FER1L6: variants seen among roughly 807,000 people sequenced by gnomAD.
FER1L6 encodes fer-1-like protein 6.
Under a neutral mutation model 219.2 loss-of-function variants are expected in FER1L6, and 177 were observed. The ratio of observed to expected loss-of-function variants is 0.81; its 90% CI spans 0.71 to 0.91. The LOEUF (loss-of-function observed/expected upper bound fraction) is 0.91, where lower values mean the gene tolerates loss of function less well. Among genes scored for constraint, FER1L6 ranks in the 40% least tolerant of loss-of-function variants. The pLI is 0.00. For synonymous variants in FER1L6, 768 were observed against 824.3 expected (o/e 0.93, Z 1.17); for missense variants, 2,153 against 2,259.9 (o/e 0.95, Z 0.96).
At position 123,973,450 on chromosome 8, in the gene FER1L6, T is replaced by G; in HGVS notation, c.464T>G (p.Leu155Arg). ...IIKISVFHHKLIGSVLIGSFK... is the reference protein window; with the variant it reads ...IIKISVFHHKRIGSVLIGSFK... ...TCTCCTCAGGTCTTTCACCACAAGC[T>G]GATAGGAAGTGTACTGATTGGCTCT... Residue 155 changes from leucine (L) to arginine (R), a missense_variant, in exon 7 of 41, where the codon CTG becomes CGG. Transcript: ENST00000522917. 1.2e-6 allele frequency: 2 copies of G among 1,614,018 alleles called. No homozygotes were observed. Among genetic ancestry groups the G allele is most frequent in the Non-Finnish European group, 1.7e-6 (2 of 1,179,890 alleles).
chr8:124,116,360 T>C (rs1047291651), intron 39 of FER1L6, among the ~76,000 whole-genome samples: 1 of 149,144 alleles, frequency 6.7e-6, no homozygotes, highest in Non-Finnish European at 1.5e-5. Context: ...AGGGTATGCA[T>C]GAAACACCAT....
rs1277508950 is a variant in FER1L6, at chr8:123,852,811, T to C, written c.-8+626T>C. Reference sequence around the variant, plus strand: ...TTACTATTAACTAAGCTCCACGCTTTATTTGGATTTCACAAGTTTTTCCAC... The same window carrying C: ...TTACTATTAACTAAGCTCCACGCTTCATTTGGATTTCACAAGTTTTTCCAC... On this transcript the variant is annotated intron_variant, in intron 1 of 40. Transcript: ENST00000522917. This position sits in a 1 kb window ranked among gnomAD's most constrained non-coding sequence, Gnocchi z 4.9. Among the ~76,000 whole-genome samples, 1 of 152,180 alleles carries C rather than the reference T, an allele frequency of 6.6e-6. No homozygotes were observed. The highest frequency in any genetic ancestry group is 1.5e-5 in the Non-Finnish European group (1 of 68,022).
intron 15 of FER1L6, among the ~76,000 whole-genome samples, chr8:124,016,490 G>C (rs530041548): frequency 6.6e-6 from 1 of 151,990 alleles, no homozygotes; most frequent in African/African-American, 2.4e-5. Context: ...AATATACCAA[G>C]TAGGAAATTT....
At chr8:123,915,561 T>A (rs1813161908) in intron 1 of FER1L6, among the ~76,000 whole-genome samples, 1 of 152,170 alleles carries the variant, frequency 6.6e-6, no homozygotes, top group African/African-American at 2.4e-5. Context: ...GTTGACCATG[T>A]TATGAATATG....
chr8:123,900,918 G>T (rs1812844946), intron 1 of FER1L6, among the ~76,000 whole-genome samples: 1 of 152,084 alleles, frequency 6.6e-6, no homozygotes, highest in African/African-American at 2.4e-5. Context: ...ATTTTGTTAA[G>T]GATTTTAGCA....
chr8:124,048,317 G>T (rs7001300), intron 21 of FER1L6, among the ~76,000 whole-genome samples: 1 of 152,166 alleles, frequency 6.6e-6, no homozygotes, highest in African/African-American at 2.4e-5. Flanking sequence ...CTTTCACTCA[G>T]CCAGCATGCA....
At chr8:124,000,163 C>T (rs4480109) in intron 12 of FER1L6, among the ~76,000 whole-genome samples, 1 of 152,164 alleles carries the variant, frequency 6.6e-6, no homozygotes, top group Non-Finnish European at 1.5e-5. Context: ...GCACTGAATT[C>T]CAATGCAAAA....
intron 1 of FER1L6, among the ~76,000 whole-genome samples, chr8:123,941,106 G>T (rs1005250330): frequency 6.6e-6 from 1 of 152,108 alleles, no homozygotes; most frequent in African/African-American, 2.4e-5. Context: ...TGGGTGCTGG[G>T]GTGATAAGGG....
intron 18 of FER1L6, among the ~76,000 whole-genome samples, chr8:124,025,256 C>A (rs1468426075): frequency 6.6e-6 from 1 of 151,908 alleles, no homozygotes; most frequent in African/African-American, 2.4e-5. Context: ...GTCATAAATT[C>A]TTTGCCAGAA....
At chr8:124,048,113 C>T (rs1819818424) in intron 21 of FER1L6, among the ~76,000 whole-genome samples, 1 of 152,194 alleles carries the variant, frequency 6.6e-6, no homozygotes, top group South Asian at 2.1e-4. Context: ...CACTAGTGGA[C>T]ACCAGCAGGC....
intron 12 of FER1L6, among the ~76,000 whole-genome samples, chr8:123,996,523 A>C (rs1191219607): frequency 6.6e-6 from 1 of 152,106 alleles, no homozygotes; most frequent in Non-Finnish European, 1.5e-5. Context: ...GTGTATTTAT[A>C]AGTGAAGTGT....
intron 32 of FER1L6, among the ~76,000 whole-genome samples, chr8:124,077,032 T>C (rs73330139): frequency 0.035 from 5,290 of 152,304 alleles, 296 homozygotes; most frequent in African/African-American, 0.12. Context: ...GTGCTAAGCA[T>C]TGGTGTTCCC....
chr8:124,064,092 T>G (rs1820715492), intron 25 of FER1L6, among the ~76,000 whole-genome samples: 1 of 152,212 alleles, frequency 6.6e-6, no homozygotes, highest in Non-Finnish European at 1.5e-5. Context: ...AAAATTACTT[T>G]GAGGAATCAA....
At chr8:123,944,838 G>A (rs975379063) in intron 1 of FER1L6, among the ~76,000 whole-genome samples, 1 of 152,124 alleles carries the variant, frequency 6.6e-6, no homozygotes, top group Non-Finnish European at 1.5e-5. Flanking sequence ...GTAAAGTGTT[G>A]TATGAATAGG....
At chr8:124,051,388 A>G (rs571533490) in intron 22 of FER1L6, among the ~76,000 whole-genome samples, 41 of 152,308 alleles carry the variant, frequency 2.7e-4, no homozygotes, top group African/African-American at 9.4e-4. Context: ...TCAAGGGGAG[A>G]AATCTCTGAT....
At chr8:123,926,708 A>G (rs1392676267) in intron 1 of FER1L6, among the ~76,000 whole-genome samples, 1 of 152,228 alleles carries the variant, frequency 6.6e-6, no homozygotes, top group African/African-American at 2.4e-5. Context: ...CAACATCCAT[A>G]CAGCTCTGAA....
intron 1 of FER1L6, among the ~76,000 whole-genome samples, chr8:123,952,577 G>C (rs1235022240): frequency 6.6e-6 from 1 of 152,132 alleles, no homozygotes; most frequent in Non-Finnish European, 1.5e-5. Context: ...AAGTGGGAGG[G>C]TTCTCATGCT....
Position 124,103,163 on chromosome 8 carries a change from C to G in FER1L6, c.5143C>G (p.Leu1715Val). The G allele has an allele frequency of 6.2e-7, 1 of 1,614,042 alleles. No individual in the cohort carries two copies. The highest frequency in any genetic ancestry group is 2.2e-5 in the East Asian group (1 of 44,882). Reference protein sequence around the residue: ...DDFLGTLEMNLNSFPRAAKSA... With the variant: ...DDFLGTLEMNVNSFPRAAKSA... The stretch of plus-strand genomic sequence containing the variant: ...CTCCACAGGCACCCTGGAAATGAAC[C>G]TCAACAGTTTCCCTCGAGCAGCTAA... Residue 1715 changes from leucine (L) to valine (V), a missense_variant, in exon 39 of 41, where the codon CTC becomes GTC. By Grantham distance (32) the Leu-to-Val change is conservative. Coordinates refer to ENST00000522917, the MANE Select transcript of FER1L6 (RefSeq NM_001039112.2).
At chr8:124,073,058 T>TC (rs1394564299) in intron 31 of FER1L6, among the ~76,000 whole-genome samples, 1 of 37,328 alleles carries the variant, frequency 2.7e-5, no homozygotes, top group Non-Finnish European at 5.6e-5. Flanking sequence ...GCCTCATACC[T>TC]TTTTTCCCCT....
Sources: gnomAD v4.1 joint callset for allele counts (sites outside exome capture counted in the v4.1 genomes callset) on GRCh38, gnomAD v4.1.1 for gene constraint, Gnocchi (gnomAD v3.1) non-coding constraint, MANE v1.5 for transcripts, NCBI Gene and HGNC (gene_info 2026-07-23, HGNC 2026-07-21) for gene names.